TESMIN: variants seen among roughly 807,000 people sequenced by gnomAD.
The protein encoded by TESMIN is testis expressed metallothionein like protein, also known as CXC domain containing 2.
In TESMIN, 34 loss-of-function variants were observed where a neutral mutation model predicts 47.4. The observed-to-expected ratio is 0.72, with a 90% CI of 0.55 to 0.96. TESMIN has a LOEUF of 0.96. Ranked by LOEUF, TESMIN falls within the 40% of genes least tolerant of loss-of-function variation. The pLI is 0.00. For synonymous variants in TESMIN, 278 were observed against 258.9 expected, an observed-to-expected ratio of 1.07 and a Z score of -0.71; for missense variants, 610 against 637.2, an observed-to-expected ratio of 0.96 and a Z score of 0.46.
intron 8 of TESMIN, among the ~76,000 whole-genome samples, chr11:68,711,307 TGTGTGTGGGGTGTGTGTGTGTCGA>T (rs1946066648): frequency 4.0e-5 from 1 of 25,108 alleles, no homozygotes; most frequent in Non-Finnish European, 1.1e-4. Context: ...TGTATATGAG[TGTGTGTGGGGTGTGTGTGTGTCGA>T]GTGTGCGTGT....
Position 68,742,413 on chromosome 11 carries a change from A to C in TESMIN, c.752-19T>G. The C allele has an allele frequency of 6.6e-7, 1 of 1,504,280 alleles. No individual in the cohort carries two copies. Among genetic ancestry groups the C allele is most frequent in the Non-Finnish European group, 9.1e-7 (1 of 1,097,126 alleles). The allele number at this position is 1,504,280 out of a possible 1,614,324, so 93.2% of individuals were successfully genotyped here. A position where few individuals can be genotyped will look rare whatever the true frequency, so the allele number is the denominator to read the frequency against. ...GGGACATCTGTAAGGAAGATAATTA[A>C]AAATTAATTGTAGCATCTATCGTTC... On this transcript the variant is annotated intron_variant, in intron 4 of 9. Coordinates refer to ENST00000255087, the MANE Select transcript of TESMIN (RefSeq NM_004923.3).
intron 6 of TESMIN, among the ~76,000 whole-genome samples, chr11:68,718,242 A>G (rs1279487512): frequency 7.2e-6 from 1 of 139,680 alleles, no homozygotes; most frequent in African/African-American, 2.6e-5. Flanking sequence ...ACATGTTAGG[A>G]AATCTTCCAG....
At chr11:68,711,246 G>A (rs954581018) in intron 8 of TESMIN, among the ~76,000 whole-genome samples, 197 bp from the exon 9 acceptor site, 3 of 150,964 alleles carry the variant, frequency 2.0e-5, no homozygotes, top group African/African-American at 7.3e-5. Flanking sequence ...AGTGTGTGTG[G>A]GGTGTGTGTG....
intron 6 of TESMIN, among the ~76,000 whole-genome samples, chr11:68,728,946 A>G (rs1296422681): frequency 6.6e-6 from 1 of 152,198 alleles, no homozygotes; most frequent in Non-Finnish European, 1.5e-5. Context: ...TGGCCCCCCA[A>G]GAGCTCTGAT....
intron 2 of TESMIN, among the ~76,000 whole-genome samples, chr11:68,748,243 A>G (rs1194687308): frequency 1.3e-5 from 2 of 152,260 alleles, no homozygotes; most frequent in Non-Finnish European, 2.9e-5. Context: ...GTCCAGCCCA[A>G]TAAAATCAGA....
At chr11:68,729,192 G>A (rs571100773) in intron 6 of TESMIN, among the ~76,000 whole-genome samples, 1 of 152,276 alleles carries the variant, frequency 6.6e-6, no homozygotes, top group African/African-American at 2.4e-5. Context: ...ATGATTCATG[G>A]GAGGAAGTAA....
intron 6 of TESMIN, among the ~76,000 whole-genome samples, chr11:68,723,816 A>G (rs2153991290): frequency 6.6e-6 from 1 of 152,302 alleles, no homozygotes; most frequent in South Asian, 2.1e-4. Flanking sequence ...AAAATATCAA[A>G]ATTGACTCAA....
chr11:68,726,018 G>A (rs1320414358), intron 6 of TESMIN, among the ~76,000 whole-genome samples: 9 of 152,134 alleles, frequency 5.9e-5, no homozygotes, highest in East Asian at 1.9e-4. Context: ...TAACTGCTGC[G>A]TGGAGGAGAA....
At chr11:68,722,021 A>G (rs1483221086) in intron 6 of TESMIN, among the ~76,000 whole-genome samples, 1 of 151,510 alleles carries the variant, frequency 6.6e-6, no homozygotes, top group African/African-American at 2.5e-5. Context: ...TACCTGCTAC[A>G]TCAGTGTCCA....
rs1946608653 is a variant in TESMIN, at chr11:68,751,488, G to A, written c.-108C>T. 6.6e-6 allele frequency: 1 copy of A among 152,662 alleles called. No homozygotes were observed. The highest frequency in any genetic ancestry group is 6.5e-5 in the Admixed American group (1 of 15,290). The allele number at this position is 152,662 out of a possible 1,614,324, so 9.5% of individuals were successfully genotyped here. A position where few individuals can be genotyped will look rare whatever the true frequency, so the allele number is the denominator to read the frequency against. Reference sequence around the variant, plus strand: ...GGCGTGGGCCGGGCCTCAGGCGCAGGCGGCCGTTGGCGGTTGGAGAAGGGG... The same window carrying A: ...GGCGTGGGCCGGGCCTCAGGCGCAGACGGCCGTTGGCGGTTGGAGAAGGGG... On this transcript the variant is annotated 5_prime_UTR_variant, in exon 1 of 10. Transcript: ENST00000255087.
At chr11:68,735,332 A>AGAGGAAC in intron 6 of TESMIN, among the ~76,000 whole-genome samples, 1 of 152,126 alleles carries the variant, frequency 6.6e-6, no homozygotes. Context: ...CTTCCTGTCC[A>AGAGGAAC]GAGGAACGAA....
intron 7 of TESMIN, among the ~76,000 whole-genome samples, chr11:68,714,398 C>A (rs142217081): frequency 6.6e-6 from 1 of 152,200 alleles, no homozygotes; most frequent in Non-Finnish European, 1.5e-5. Flanking sequence ...TGTGTACCTG[C>A]TACCAAGGTC....
intron 2 of TESMIN, among the ~76,000 whole-genome samples, chr11:68,748,871 T>G (rs1429275403): frequency 6.6e-6 from 1 of 152,260 alleles, no homozygotes; most frequent in African/African-American, 2.4e-5. Flanking sequence ...GGTCTCACTC[T>G]GTCGCTCAGG....
At chr11:68,742,754 C>T (rs1201170685) in intron 4 of TESMIN, among the ~76,000 whole-genome samples, 3 of 152,152 alleles carry the variant, frequency 2.0e-5, no homozygotes, top group Admixed American at 2.0e-4. Context: ...GATAGGGTCT[C>T]GCTATGTTGC....
intron 6 of TESMIN, chr11:68,738,496 T>C: frequency 7.3e-7 from 1 of 1,373,900 alleles, no homozygotes; most frequent in South Asian, 1.5e-5. Context: ...TGGGCCAGAC[T>C]TTCCAGCAGC....
intron 6 of TESMIN, among the ~76,000 whole-genome samples, chr11:68,721,015 G>A (rs1388072506): frequency 1.3e-5 from 2 of 151,372 alleles, no homozygotes; most frequent in African/African-American, 2.4e-5. Context: ...CTGCTTCAGT[G>A]TGCTTTTATT....
Position 68,714,050 on chromosome 11 carries a change from C to T in TESMIN, c.1021-643G>A, listed in dbSNP as rs183691053. Among the ~76,000 whole-genome samples the T allele has an allele frequency of 4.3e-3, 657 of 152,328 alleles. 4 individuals carry two copies. The highest frequency in any genetic ancestry group is 0.015 in the African/African-American group (624 of 41,576). ...TGTTATCCAGGTCTATTTGTTGTCCCTTTTTAATCTATCTATACACACAAA... is the reference window on the plus strand; with the variant it reads ...TGTTATCCAGGTCTATTTGTTGTCCTTTTTTAATCTATCTATACACACAAA... On this transcript the variant is annotated intron_variant, in intron 7 of 9. Coordinates refer to ENST00000255087, the MANE Select transcript of TESMIN (RefSeq NM_004923.3).
chr11:68,739,929 T>C (rs1348243793), intron 5 of TESMIN, among the ~76,000 whole-genome samples: 1 of 152,216 alleles, frequency 6.6e-6, no homozygotes, highest in African/African-American at 2.4e-5. Flanking sequence ...ATTATTCGCA[T>C]AAACCAGGTA....
At chr11:68,749,031 A>G (rs1215323009) in intron 2 of TESMIN, among the ~76,000 whole-genome samples, 1 of 152,150 alleles carries the variant, frequency 6.6e-6, no homozygotes, top group Non-Finnish European at 1.5e-5. Flanking sequence ...TGTTCTGATT[A>G]ATGCTTTCTG....
Sources: gnomAD v4.1 joint callset for allele counts (sites outside exome capture counted in the v4.1 genomes callset) on GRCh38, gnomAD v4.1.1 for gene constraint, MANE v1.5 for transcripts, NCBI Gene and HGNC (gene_info 2026-07-23, HGNC 2026-07-21) for gene names.